EDIL3: variants seen among roughly 807,000 people sequenced by gnomAD.
The protein encoded by EDIL3 is EGF like and discoidin domains 3, also known as EGF-like repeat and discoidin I-like domain-containing protein 3.
EDIL3 carries 37 observed loss-of-function variants against 67.4 expected under a neutral mutation model. That is an observed-to-expected ratio of 0.55 (90% CI 0.42 to 0.72). EDIL3 has a LOEUF of 0.72. EDIL3 is among the 30% of genes least tolerant of loss of function. EDIL3 has a pLI of 0.00. For missense variants in EDIL3, 527 were observed against 586.3 expected (o/e 0.90, Z 1.04); for synonymous variants, 195 against 196.3 (o/e 0.99, Z 0.05).
intron 6 of EDIL3, among the ~76,000 whole-genome samples, chr5:84,072,990 T>C (rs186971019): frequency 2.5e-3 from 385 of 152,222 alleles, no homozygotes; most frequent in Middle Eastern, 0.01. Context: ...CAGGTAAAGT[T>C]CACAGGAAGG....
intron 3 of EDIL3, among the ~76,000 whole-genome samples, chr5:84,200,255 C>T (rs1219578017): frequency 6.6e-6 from 1 of 151,988 alleles, no homozygotes; most frequent in Non-Finnish European, 1.5e-5. Context: ...TACCCTAAAA[C>T]TTAAAGTATA....
At chr5:84,276,231 A>G (rs1745581225) in intron 1 of EDIL3, among the ~76,000 whole-genome samples, 2 of 152,194 alleles carry the variant, frequency 1.3e-5, no homozygotes, top group Admixed American at 6.5e-5. Context: ...AAAATTACAC[A>G]GAAAATCCCC....
chr5:84,123,907 T>A (rs544970660), intron 5 of EDIL3, among the ~76,000 whole-genome samples: 1 of 151,966 alleles, frequency 6.6e-6, no homozygotes, highest in Non-Finnish European at 1.5e-5. Flanking sequence ...TGCAGTTTTC[T>A]ACTATTTTTT....
chr5:84,080,165 G>A (rs1360486855), intron 6 of EDIL3, among the ~76,000 whole-genome samples: 1 of 144,882 alleles, frequency 6.9e-6, no homozygotes, highest in Non-Finnish European at 1.5e-5. Flanking sequence ...GCGTGGTGGC[G>A]GGCGCCTGTA....
chr5:84,023,520 T>C (rs1373650262), intron 9 of EDIL3, among the ~76,000 whole-genome samples: 6 of 152,100 alleles, frequency 3.9e-5, no homozygotes. Context: ...GTATAGCTAC[T>C]GAGTAATATT....
At chr5:84,353,755 C>T (rs867113316) in intron 1 of EDIL3, among the ~76,000 whole-genome samples, 1 of 152,174 alleles carries the variant, frequency 6.6e-6, no homozygotes, top group African/African-American at 2.4e-5. Flanking sequence ...TATAGATGTT[C>T]ATCAGTTATT....
At chr5:84,344,229 T>C (rs1021950357) in intron 1 of EDIL3, among the ~76,000 whole-genome samples, 1 of 151,956 alleles carries the variant, frequency 6.6e-6, no homozygotes, top group African/African-American at 2.4e-5. Context: ...TTATATAATT[T>C]ATTACAATTG....
At chr5:84,038,911 C>T (rs549593278) in intron 9 of EDIL3, among the ~76,000 whole-genome samples, 3 of 152,292 alleles carry the variant, frequency 2.0e-5, no homozygotes, top group Non-Finnish European at 4.4e-5. Flanking sequence ...ACTCACATGG[C>T]ACTTAACATC....
intron 3 of EDIL3, among the ~76,000 whole-genome samples, chr5:84,190,553 G>A (rs531437910): frequency 2.4e-4 from 13 of 54,670 alleles, no homozygotes; most frequent in African/African-American, 6.8e-4. Flanking sequence ...ATATATATAT[G>A]TGTGTGTGTG....
intron 9 of EDIL3, among the ~76,000 whole-genome samples, chr5:83,965,592 C>A (rs1744677112): frequency 2.0e-5 from 3 of 151,990 alleles, no homozygotes; most frequent in African/African-American, 7.2e-5. Flanking sequence ...TTCTATAAGT[C>A]CTTAGCTAAG....
intron 9 of EDIL3, among the ~76,000 whole-genome samples, chr5:84,017,127 A>G (rs856443): frequency 0.64 from 97,935 of 152,068 alleles, 32,991 homozygotes; most frequent in East Asian, 0.75. Flanking sequence ...GTGCTTAATA[A>G]ATCTTTCTGT....
At chr5:84,199,513 T>C (rs1359487516) in intron 3 of EDIL3, among the ~76,000 whole-genome samples, 1 of 151,810 alleles carries the variant, frequency 6.6e-6, no homozygotes, top group Non-Finnish European at 1.5e-5. Context: ...TGAATTAAGA[T>C]GCAGATTTCT....
At chr5:83,949,332 A>G (rs148845317) in intron 10 of EDIL3, among the ~76,000 whole-genome samples, 48 of 151,894 alleles carry the variant, frequency 3.2e-4, no homozygotes, top group African/African-American at 1.1e-3. Flanking sequence ...AAGTCAAATG[A>G]AAAAAAATTC....
intron 5 of EDIL3, among the ~76,000 whole-genome samples, chr5:84,113,373 G>A (rs1377961873): frequency 6.6e-6 from 1 of 152,146 alleles, no homozygotes; most frequent in African/African-American, 2.4e-5. Context: ...TACACTGCCT[G>A]AATTGTCTGA....
intron 2 of EDIL3, among the ~76,000 whole-genome samples, chr5:84,242,644 A>G (rs1357407938): frequency 2.6e-5 from 4 of 151,892 alleles, no homozygotes; most frequent in Non-Finnish European, 5.9e-5. Context: ...CACAAAGTAC[A>G]AAAACTAACC....
intron 5 of EDIL3, among the ~76,000 whole-genome samples, chr5:84,125,788 A>T (rs1747859994): frequency 6.6e-6 from 1 of 152,046 alleles, no homozygotes; most frequent in Non-Finnish European, 1.5e-5. Context: ...TGTATAAGGC[A>T]TTGGAAAACC....
intron 9 of EDIL3, among the ~76,000 whole-genome samples, chr5:84,025,395 T>G (rs1745793389): frequency 6.6e-6 from 1 of 152,124 alleles, no homozygotes; most frequent in Non-Finnish European, 1.5e-5. Flanking sequence ...CATCAGACTG[T>G]CACTATCTCC....
chr5:84,180,590 G>A, intron 3 of EDIL3, 69 bp from the exon 4 acceptor site: 1 of 1,436,386 alleles, frequency 7.0e-7, no homozygotes, highest in South Asian at 1.5e-5. Flanking sequence ...TCAACATTTT[G>A]CAATTAATAA....
chr5:84,220,930 A>G (rs1310125090), intron 3 of EDIL3, among the ~76,000 whole-genome samples: 1 of 114,436 alleles, frequency 8.7e-6, no homozygotes, highest in Non-Finnish European at 1.9e-5. Flanking sequence ...TACTAAGATA[A>G]ATTTTCGCCA....
Sources: allele counts gnomAD v4.1 joint callset (sites outside exome capture counted in the v4.1 genomes callset), GRCh38; gene constraint gnomAD v4.1.1; transcripts MANE v1.5; gene names NCBI Gene and HGNC (gene_info 2026-07-23, HGNC 2026-07-21).